MAPKAP1: variants seen among roughly 807,000 people sequenced by gnomAD.
The protein encoded by MAPKAP1 is target of rapamycin complex 2 subunit MAPKAP1.
A neutral mutation model predicts 65.7 loss-of-function variants in MAPKAP1; 20 were observed. The observed-to-expected ratio is 0.30, with a 90% CI of 0.21 to 0.44. MAPKAP1 has a LOEUF of 0.44. MAPKAP1 is among the 20% of genes least tolerant of loss of function. The pLI, the probability that MAPKAP1 is intolerant of heterozygous loss-of-function variation, is 1.00. For synonymous variants in MAPKAP1, 222 were observed against 244.3 expected (o/e 0.91, Z 0.85); for missense variants, 423 against 648.0 (o/e 0.65, Z 3.77).
At chr9:125,556,025 G>A (rs924551885) in intron 6 of MAPKAP1, among the ~76,000 whole-genome samples, 1 of 152,232 alleles carries the variant, frequency 6.6e-6, no homozygotes, top group Non-Finnish European at 1.5e-5. Flanking sequence ...TGTGGGCACA[G>A]ATAATTCAGT....
At chr9:125,706,795 G>A (rs889409735) in intron 1 of MAPKAP1, among the ~76,000 whole-genome samples, 176 bp downstream of exon 1, 1 of 152,006 alleles carries the variant, frequency 6.6e-6, no homozygotes, top group African/African-American at 2.4e-5. Context: ...TCAGACTCCT[G>A]ACAGCCTCCA....
In MAPKAP1 at chr9:125,595,588, C is replaced by A. The variant is rs184033514; in HGVS notation, c.499-9861G>T. 130 of 1,284,210 alleles carry A rather than the reference C, an allele frequency of 1.0e-4. 2 individuals carry two copies. The African/African-American group carries it at 1.8e-3, about 18-fold the overall frequency. 79.6% of individuals were successfully genotyped at this position (1,284,210 alleles called of 1,614,324 possible). A position where few individuals can be genotyped will look rare whatever the true frequency, so the allele number is the denominator to read the frequency against. On this transcript the variant is annotated intron_variant, in intron 4 of 11. Transcript: ENST00000265960. The surrounding 1 kb of genome is among the most constrained non-coding windows in gnomAD (Gnocchi z 4.0). ...AAAATAATCTTGAATTAAGAAATAT[C>A]ATGCTATGTTTGTCAGCTTACTCCT...
chr9:125,516,639 T>C (rs1437769960), intron 7 of MAPKAP1, among the ~76,000 whole-genome samples: 2 of 152,248 alleles, frequency 1.3e-5, no homozygotes, highest in Admixed American at 1.3e-4. Context: ...TCTCTATTGC[T>C]GCTGTGAGCA....
intron 7 of MAPKAP1, among the ~76,000 whole-genome samples, chr9:125,536,007 G>T (rs756230871): frequency 6.6e-6 from 1 of 152,208 alleles, no homozygotes; most frequent in Non-Finnish European, 1.5e-5. Flanking sequence ...AAAGATTAGC[G>T]ACTAGCAGGA....
chr9:125,452,170 C>T (rs1301176282), intron 10 of MAPKAP1, among the ~76,000 whole-genome samples: 1 of 151,900 alleles, frequency 6.6e-6, no homozygotes, highest in African/African-American at 2.4e-5. Context: ...GCGATCTGGG[C>T]TCACTGCAAT....
At chr9:125,551,838 C>T (rs1041169504) in intron 6 of MAPKAP1, among the ~76,000 whole-genome samples, 3 of 152,096 alleles carry the variant, frequency 2.0e-5, no homozygotes, top group African/African-American at 7.2e-5. Context: ...GAGAAGGAGA[C>T]GAACAAGGCA....
chr9:125,587,614 C>T (rs911086622), intron 4 of MAPKAP1, among the ~76,000 whole-genome samples: 3 of 152,046 alleles, frequency 2.0e-5, no homozygotes, highest in African/African-American at 7.2e-5. Context: ...CTAAAGGATA[C>T]TATCAAGATA....
At position 125,447,819 on chromosome 9, in the gene MAPKAP1, G is replaced by T. The variant is rs1470109999; in HGVS notation, c.1346-3221C>A. Among the ~76,000 whole-genome samples, 1 of 152,228 alleles carries T rather than the reference G, an allele frequency of 6.6e-6. No individual in the cohort carries two copies. The highest frequency in any genetic ancestry group is 1.9e-4 in the East Asian group (1 of 5,198). On this transcript the variant is annotated intron_variant, in intron 10 of 11. Transcript: ENST00000265960. This position sits in a 1 kb window ranked among gnomAD's most constrained non-coding sequence, Gnocchi z 4.5. ...CTTGGGAGGAGCTGACACCTCCGCA[G>T]TTTTGGAGGAGGGCAGGGAGTCAGC...
intron 8 of MAPKAP1, among the ~76,000 whole-genome samples, chr9:125,495,197 A>G (rs945542130): frequency 1.3e-5 from 2 of 152,174 alleles, no homozygotes; most frequent in Non-Finnish European, 2.9e-5. Context: ...GAACTGTAAC[A>G]TCTGATCAAC....
intron 5 of MAPKAP1, among the ~76,000 whole-genome samples, 173 bp from the exon 6 acceptor site, chr9:125,559,982 G>A (rs1830845267): frequency 6.6e-6 from 1 of 152,082 alleles, no homozygotes; most frequent in Non-Finnish European, 1.5e-5. Flanking sequence ...AATACACATG[G>A]CAATGCAAAG....
intron 10 of MAPKAP1, among the ~76,000 whole-genome samples, chr9:125,466,694 T>C (rs1054008649): frequency 6.6e-6 from 1 of 152,122 alleles, no homozygotes; most frequent in Non-Finnish European, 1.5e-5. Flanking sequence ...TCACAGCCTT[T>C]TGCAGGGTCG....
At chr9:125,557,151 C>T (rs1830759996) in intron 6 of MAPKAP1, among the ~76,000 whole-genome samples, 1 of 152,144 alleles carries the variant, frequency 6.6e-6, no homozygotes, top group African/African-American at 2.4e-5. Context: ...CCCCTCCTTC[C>T]TATTCTCCAG....
chr9:125,572,019 T>C (rs1287969535), intron 5 of MAPKAP1, among the ~76,000 whole-genome samples: 1 of 152,244 alleles, frequency 6.6e-6, no homozygotes, highest in Non-Finnish European at 1.5e-5. Flanking sequence ...TCTACCTGAT[T>C]TCTCCAAAAT....
At chr9:125,664,355 A>AG (rs1554839495) in intron 3 of MAPKAP1, among the ~76,000 whole-genome samples, 1 of 151,680 alleles carries the variant, frequency 6.6e-6, no homozygotes, top group African/African-American at 2.4e-5. Context: ...CTCAAAAAAA[A>AG]TAAAAAAAAA....
At chr9:125,637,035 G>A (rs898879828) in intron 4 of MAPKAP1, among the ~76,000 whole-genome samples, 5 of 152,172 alleles carry the variant, frequency 3.3e-5, no homozygotes, top group Non-Finnish European at 7.3e-5. Context: ...TTGGGAGGCC[G>A]AGGTGGGTGG....
Position 125,488,597 on chromosome 9 carries a change from C to A in MAPKAP1, c.1067-4014G>T, listed in dbSNP as rs556081739. On this transcript the variant is annotated intron_variant, in intron 8 of 11. Coordinates refer to ENST00000265960, the MANE Select transcript of MAPKAP1 (RefSeq NM_001006617.3). ...CTGACCTCAGGTTATCCACCCGCCTCGGCCTCCCAAAGTGCTGGGATTACA... is the reference window on the plus strand; with the variant it reads ...CTGACCTCAGGTTATCCACCCGCCTAGGCCTCCCAAAGTGCTGGGATTACA... Among the ~76,000 whole-genome samples the A allele has an allele frequency of 2.0e-5, 3 of 152,342 alleles. No individual in the cohort carries two copies. The South Asian group carries it at 6.2e-4, about 32-fold the overall frequency.
rs906312669 is a variant in MAPKAP1, at chr9:125,620,806, A to G, written c.499-35079T>C. Among the ~76,000 whole-genome samples the G allele has an allele frequency of 2.0e-5, 3 of 152,206 alleles. No homozygotes were observed. In the East Asian group the frequency reaches 5.8e-4, roughly 29 times the overall value. On this transcript the variant is annotated intron_variant, in intron 4 of 11. Coordinates refer to ENST00000265960, the MANE Select transcript of MAPKAP1 (RefSeq NM_001006617.3). ...TGTGTAAAAGGGGAGAAAAATAAGT[A>G]TATTTTCATATGGACACTAGAAGAT...
chr9:125,593,323 T>C (rs1206601673), intron 4 of MAPKAP1, among the ~76,000 whole-genome samples: 1 of 150,972 alleles, frequency 6.6e-6, no homozygotes, highest in Non-Finnish European at 1.5e-5. Flanking sequence ...AAAATATATA[T>C]AACTCAGATA....
chr9:125,440,972 A>G (rs1359592950), intron 11 of MAPKAP1, among the ~76,000 whole-genome samples: 3 of 152,238 alleles, frequency 2.0e-5, no homozygotes, highest in African/African-American at 7.2e-5. Context: ...CAAATTTATT[A>G]TCTTCAGTGC....
Sources: gnomAD v4.1 joint callset for allele counts (sites outside exome capture counted in the v4.1 genomes callset) on GRCh38, gnomAD v4.1.1 for gene constraint, Gnocchi (gnomAD v3.1) non-coding constraint, MANE v1.5 for transcripts, NCBI Gene and HGNC (gene_info 2026-07-23, HGNC 2026-07-21) for gene names.